HID1: variants seen among roughly 807,000 people sequenced by gnomAD.
The protein encoded by HID1 is protein HID1.
A neutral mutation model predicts 89.7 loss-of-function variants in HID1; 42 were observed. The observed-to-expected ratio is 0.47, with a 90% CI of 0.37 to 0.61. The LOEUF is 0.61. Ranked by LOEUF, HID1 falls within the 20% of genes least tolerant of loss-of-function variation. HID1 has a pLI of 0.00. For synonymous variants in HID1, 442 were observed against 433.8 expected, an observed-to-expected ratio of 1.02 and a Z score of -0.24; for missense variants, 854 against 1,039.3, an observed-to-expected ratio of 0.82 and a Z score of 2.45.
chr17:74,955,887 G>C lies in HID1; in HGVS notation c.1541C>G (p.Ser514Cys), dbSNP rs758151493. ...NKLLHLLEAF[S>C]TTWFLFSAAQ... ...GGCAGAGAAGAGGAACCAGGTGGTGGAGAAGGCCTCCAGCAGGTGCAGCAA... is the reference window on the plus strand; with the variant it reads ...GGCAGAGAAGAGGAACCAGGTGGTGCAGAAGGCCTCCAGCAGGTGCAGCAA... Residue 514 changes from serine to cysteine, a missense_variant, in exon 13 of 19, where the codon TCC becomes TGC. Coordinates refer to ENST00000425042, the MANE Select transcript of HID1 (RefSeq NM_030630.3). 28 of 1,614,040 alleles carry C rather than the reference G, an allele frequency of 1.7e-5. No homozygotes were observed. The highest frequency in any genetic ancestry group is 2.2e-5 in the Non-Finnish European group (26 of 1,180,022).
chr17:74,953,675 G>A, intron 14 of HID1, 24 bp from the exon 15 acceptor site: 1 of 1,561,366 alleles, frequency 6.4e-7, no homozygotes, highest in Non-Finnish European at 8.8e-7. Flanking sequence ...AGGTGGGAGT[G>A]AGGACTCCCT....
At chr17:74,964,029 G>T in intron 2 of HID1, 119 bp from the exon 3 acceptor site, 3 of 1,061,246 alleles carry the variant, frequency 2.8e-6, no homozygotes, top group Non-Finnish European at 2.8e-6. Flanking sequence ...CCAGGCTGCA[G>T]AGGAGAGACA....
chr17:74,964,340 G>T, intron 2 of HID1, 143 bp downstream of exon 2: 1 of 950,018 alleles, frequency 1.1e-6, no homozygotes, highest in Non-Finnish European at 1.5e-6. Context: ...GCCCAGCAAA[G>T]AGAACCACAG....
At position 74,958,112 on chromosome 17, in the gene HID1, C is replaced by T. The variant is rs1290813670; in HGVS notation, c.1471+29G>A. On this transcript the variant is annotated intron_variant, in intron 12 of 18. Transcript: ENST00000425042. This position sits in a 1 kb window ranked among gnomAD's most constrained non-coding sequence, Gnocchi z 5.2. ...TGGCCTGACACCACCTGGTGGTGAG[C>T]GCGGGGAGTGCAAGCTCCGGGCCCC... 9 of 1,571,950 alleles carry T rather than the reference C, an allele frequency of 5.7e-6. No individual in the cohort carries two copies. Among genetic ancestry groups the T allele is most frequent in the Non-Finnish European group, 6.9e-6 (8 of 1,160,050 alleles).
Position 74,960,095 on chromosome 17 carries a change from G to A in HID1, c.882C>T (p.His294=), listed in dbSNP as rs1034289376. Residue 294 remains histidine (H), a synonymous_variant, in exon 7 of 19, where the codon CAC becomes CAT. Transcript: ENST00000425042. The part of the protein sequence containing the change: ...AAQVLIVTLD[H]DSASSASPTV... ...TGGGGCTGGCACTGCTGGCACTGTCGTGGTCCAAAGTGACAATGAGCACCT... is the reference window on the plus strand; with the variant it reads ...TGGGGCTGGCACTGCTGGCACTGTCATGGTCCAAAGTGACAATGAGCACCT... 6.2e-6 allele frequency: 10 copies of A among 1,613,926 alleles called. No individual in the cohort carries two copies. The highest frequency in any genetic ancestry group is 2.2e-5 in the South Asian group (2 of 91,086).
Position 74,962,948 on chromosome 17 carries a change from G to A in HID1, c.504+17C>T, listed in dbSNP as rs768387132. 2.5e-6 allele frequency: 4 copies of A among 1,576,036 alleles called. No homozygotes were observed. The highest frequency in any genetic ancestry group is 2.3e-5 in the East Asian group (1 of 44,266). The stretch of plus-strand genomic sequence containing the variant: ...GAGCCTACTCCGCCTGGGGGTGGGG[G>A]GCTGGGGGACACTCACCACAGTGCT... On this transcript the variant is annotated intron_variant, in intron 4 of 18. Coordinates refer to ENST00000425042, the MANE Select transcript of HID1 (RefSeq NM_030630.3). The surrounding 1 kb of genome is among the most constrained non-coding windows in gnomAD (Gnocchi z 4.3).
Position 74,959,896 on chromosome 17 carries a change from G to A in HID1, c.993C>T (p.Arg331=), listed in dbSNP as rs759538198. Residue 331 remains arginine (R), a synonymous_variant, in exon 8 of 19, where the codon CGC becomes CGT. Coordinates refer to ENST00000425042, the MANE Select transcript of HID1 (RefSeq NM_030630.3). This position sits in a 1 kb window ranked among gnomAD's most constrained non-coding sequence, Gnocchi z 4.6. ...PENLFVNYLS[R]IHREEDFQFI... is the part of the protein sequence containing the mutation. Reference sequence around the variant, plus strand: ...CTGGACTTGCCTCCTCACGATGGATGCGGGACAGGTAGTTCACAAACAGGT... The same window carrying A: ...CTGGACTTGCCTCCTCACGATGGATACGGGACAGGTAGTTCACAAACAGGT... 1.9e-6 allele frequency: 3 copies of A among 1,613,736 alleles called. No individual in the cohort carries two copies. Among genetic ancestry groups the A allele is most frequent in the South Asian group, 1.1e-5 (1 of 91,086 alleles).
Position 74,961,912 on chromosome 17 carries a change from G to C in HID1, c.689C>G (p.Thr230Ser), listed in dbSNP as rs1264303093. 3 of 1,602,714 alleles carry C rather than the reference G, an allele frequency of 1.9e-6. No individual in the cohort carries two copies. The highest frequency in any genetic ancestry group is 2.6e-6 in the Non-Finnish European group (3 of 1,174,732). The change falls in exon 6 of 19, where the codon ACC (threonine) becomes AGC (serine). Residue 230 changes from threonine (T) to serine (S), a missense_variant. By Grantham distance (58) the Thr-to-Ser change is moderately conservative (BLOSUM62 1). Coordinates refer to ENST00000425042, the MANE Select transcript of HID1 (RefSeq NM_030630.3). ...ACAAAAGAACTGAACCCATGGGTTG[G>C]TGCTGCCACTTTCCGGAGCTGGGGG... is the stretch of plus-strand genomic sequence containing the variant. Reference protein sequence around the residue: ...YLPPAPESGSTNPWVQFFCST... With the variant: ...YLPPAPESGSSNPWVQFFCST...
chr17:74,966,467 G>A lies in HID1; in HGVS notation c.67-1835C>T, dbSNP rs185541353. Among the ~76,000 whole-genome samples, 116 of 151,696 alleles carry A rather than the reference G, an allele frequency of 7.6e-4. 1 individual carries two copies. Among genetic ancestry groups the A allele is most frequent in the African/African-American group, 2.8e-3 (114 of 41,350 alleles). On this transcript the variant is annotated intron_variant, in intron 1 of 18. Transcript: ENST00000425042. ...GTGTCCAAGGCACGCGCACCTCCTC[G>A]GGCCCATCCCTTTATGGCTCCTTCT...
rs771200277 is a variant in HID1 at position 74,958,912 on chromosome 17, T to C, written c.1148A>G (p.Lys383Arg). Residue 383 changes from lysine (K) to arginine (R), a missense_variant and splice_region_variant, in exon 9 of 19, where the codon AAG (lysine) becomes AGG (arginine). Lys to Arg is a conservative substitution (Grantham distance 26). Transcript: ENST00000425042. This position sits in a 1 kb window ranked among gnomAD's most constrained non-coding sequence, Gnocchi z 5.2. ...CAGGGCCCCTCGAGGCTGGCCCACCTTGTTGAAGTCGCAGAGCTTCCAGAA... is the reference window on the plus strand; with the variant it reads ...CAGGGCCCCTCGAGGCTGGCCCACCCTGTTGAAGTCGCAGAGCTTCCAGAA... ...VLFWKLCDFN[K>R]KFLFFVLKSS... The C allele has an allele frequency of 6.3e-7, 1 of 1,589,946 alleles. No homozygotes were observed. The highest frequency in any genetic ancestry group is 8.5e-7 in the Non-Finnish European group (1 of 1,170,440).
Position 74,964,009 on chromosome 17 carries a change from G to T in HID1, c.217-99C>A, listed in dbSNP as rs1317265947. ...GCACCCAGGCTGCAGAGGAGGGTCA[G>T]GGGGGGCACCCAGGCTGCAGAGGAG... On this transcript the variant is annotated intron_variant, in intron 2 of 18. Transcript: ENST00000425042. The T allele has an allele frequency of 4.8e-6, 6 of 1,262,666 alleles. No individual in the cohort carries two copies. In the South Asian group the frequency reaches 5.3e-5, roughly 11 times the overall value. 78.2% of individuals were successfully genotyped at this position (1,262,666 alleles called of 1,614,324 possible).
intron 16 of HID1, among the ~76,000 whole-genome samples, chr17:74,952,611 G>A (rs1163057429): frequency 3.3e-5 from 5 of 152,204 alleles, no homozygotes; most frequent in Non-Finnish European, 7.3e-5. Context: ...TCACAACAGC[G>A]TGGTCAGGCA....
chr17:74,952,665 A>G (rs1279902060), intron 16 of HID1, among the ~76,000 whole-genome samples: 1 of 152,166 alleles, frequency 6.6e-6, no homozygotes, highest in Non-Finnish European at 1.5e-5. Context: ...GCGTGATCTC[A>G]GGAGACACAG....
intron 13 of HID1, 160 bp from the exon 14 acceptor site, chr17:74,954,525 G>T: frequency 8.0e-7 from 1 of 1,245,302 alleles, no homozygotes; most frequent in Non-Finnish European, 1.1e-6. Flanking sequence ...GCTGGGGCAG[G>T]GCTGGCACTG....
Position 74,954,335 on chromosome 17 carries a change from C to T in HID1, c.1667G>A (p.Arg556His). 3.8e-6 allele frequency: 6 copies of T among 1,576,742 alleles called. No individual in the cohort carries two copies. In the African/African-American group the frequency reaches 6.7e-5, roughly 18 times the overall value. The part of the protein sequence containing the change: ...GNSNLVYAII[R>H]KRSIFHQLAN... Reference sequence around the variant, plus strand: ...CAGCTGGTGGAAGATGCTGCGCTTGCGGATGATGGCGTAGACCAGGTTGGA... The same window carrying T: ...CAGCTGGTGGAAGATGCTGCGCTTGTGGATGATGGCGTAGACCAGGTTGGA... Residue 556 changes from arginine (R) to histidine (H), a missense_variant, in exon 14 of 19, where the codon CGC (arginine) becomes CAC (histidine). By Grantham distance (29) the Arg-to-His change is conservative. Coordinates refer to ENST00000425042, the MANE Select transcript of HID1 (RefSeq NM_030630.3).
Position 74,958,879 on chromosome 17 carries a change from T to A in HID1, c.1149+32A>T, listed in dbSNP as rs367991712. ...GGGTTATTGGGGCAGCTGCTCTCCA[T>A]CTCCCTGCAGGGCCCCTCGAGGCTG... is the stretch of plus-strand genomic sequence containing the variant. On this transcript the variant is annotated intron_variant, in intron 9 of 18. Coordinates refer to ENST00000425042, the MANE Select transcript of HID1 (RefSeq NM_030630.3). The surrounding 1 kb of genome is among the most constrained non-coding windows in gnomAD (Gnocchi z 5.2). 1 of 1,583,908 alleles carries A rather than the reference T, an allele frequency of 6.3e-7. No individual in the cohort carries two copies. Among genetic ancestry groups the A allele is most frequent in the Non-Finnish European group, 8.6e-7 (1 of 1,165,782 alleles).
chr17:74,966,096 C>T (rs1354479662), intron 1 of HID1, among the ~76,000 whole-genome samples: 1 of 151,690 alleles, frequency 6.6e-6, no homozygotes, highest in Admixed American at 6.6e-5. Flanking sequence ...ACCAGCCTGG[C>T]CAAGATGGTG....
In HID1 at chr17:74,961,835, A is replaced by C. The variant is rs757965421; in HGVS notation, c.728+38T>G. On this transcript the variant is annotated intron_variant, in intron 6 of 18. Transcript: ENST00000425042. The stretch of plus-strand genomic sequence containing the variant: ...ACTCAGCTCTGGATTGCCTGGAATA[A>C]GAGGGAAGAGAGCGCAGAAAGGCCA... 3.8e-6 allele frequency: 5 copies of C among 1,303,182 alleles called. No homozygotes were observed. The East Asian group carries it at 1.3e-4, about 34-fold the overall frequency. 80.7% of individuals were successfully genotyped at this position (1,303,182 alleles called of 1,614,324 possible). A position where few individuals can be genotyped will look rare whatever the true frequency, so the allele number is the denominator to read the frequency against.
At chr17:74,964,439 C>T in intron 2 of HID1, 44 bp downstream of exon 2, 1 of 1,580,980 alleles carries the variant, frequency 6.3e-7, no homozygotes, top group South Asian at 1.2e-5. Flanking sequence ...CTGCTGTGGG[C>T]TGGGAGGGTG....
Sources: gnomAD v4.1 joint callset for allele counts (sites outside exome capture counted in the v4.1 genomes callset) on GRCh38, gnomAD v4.1.1 for gene constraint, Gnocchi (gnomAD v3.1) non-coding constraint, MANE v1.5 for transcripts, NCBI Gene and HGNC (gene_info 2026-07-23, HGNC 2026-07-21) for gene names.